Variants in RASSF6 observed in about 807,000 individuals in gnomAD.
RASSF6 encodes the protein Ras association domain family member 6.
A neutral mutation model predicts 44.0 loss-of-function variants in RASSF6; 52 were observed. The ratio of observed to expected loss-of-function variants is 1.18; its 90% confidence interval spans 0.95 to 1.49. RASSF6 has a LOEUF of 1.49. RASSF6 is among the 40% of genes most tolerant of loss of function. The pLI, the probability that RASSF6 is intolerant of heterozygous loss-of-function variation, is 0.00. For missense variants in RASSF6, 464 were observed against 393.3 expected (o/e 1.18, Z -1.52); for synonymous variants, 162 against 124.6 (o/e 1.30, Z -2.00).
chr4:73,614,277 C>T (rs1468485000), intron 1 of RASSF6, among the ~76,000 whole-genome samples: 1 of 152,216 alleles, frequency 6.6e-6, no homozygotes, highest in African/African-American at 2.4e-5. Context: ...GGGCCTCCCT[C>T]TGTTGTGGTC....
At position 73,598,648 on chromosome 4, in the gene RASSF6, A is replaced by T; in HGVS notation, c.136T>A (p.Tyr46Asn). The change falls in exon 3 of 11, where the codon TAT (tyrosine) becomes AAT (asparagine). Residue 46 changes from tyrosine to asparagine, a missense_variant. Transcript: ENST00000307439. Reference sequence around the variant, plus strand: ...TTCTTCAGTGGGCTTACCTCTCCATATAAAATATGCAGATTTTTCTGGTTC... The same window carrying T: ...TTCTTCAGTGGGCTTACCTCTCCATTTAAAATATGCAGATTTTTCTGGTTC... ...YENQKNLHIL[Y>N]GETEDGKLIV... 1 of 1,527,212 alleles carries T rather than the reference A, an allele frequency of 6.5e-7. No homozygotes were observed. Among genetic ancestry groups the T allele is most frequent in the South Asian group, 1.2e-5 (1 of 84,144 alleles). The allele number at this position is 1,527,212 out of a possible 1,614,324, so 94.6% of individuals were successfully genotyped here. A position where few individuals can be genotyped will look rare whatever the true frequency, so the allele number is the denominator to read the frequency against.
At chr4:73,594,842 C>G (rs957816256) in intron 3 of RASSF6, among the ~76,000 whole-genome samples, 1 of 152,110 alleles carries the variant, frequency 6.6e-6, no homozygotes, top group Non-Finnish European at 1.5e-5. Context: ...GCCTTTGTAT[C>G]AAAAACTTAT....
rs143969358 is a variant in RASSF6, at chr4:73,587,909, C to T, written c.313G>A (p.Asp105Asn). The T allele has an allele frequency of 1.3e-5, 21 of 1,609,124 alleles. No homozygotes were observed. Among genetic ancestry groups the T allele is most frequent in the South Asian group, 4.4e-5 (4 of 90,734 alleles). Residue 105 changes from aspartate (D) to asparagine (N), a missense_variant, in exon 5 of 11, where the codon GAT becomes AAT. Physicochemically the swap from Asp to Asn is conservative, Grantham distance 23. Transcript: ENST00000307439. Reference sequence around the variant, plus strand: ...TCCAGCTCACTAATACGATAGAGATCGTCAAATTCCCCCCAGCGTGTCATT... The same window carrying T: ...TCCAGCTCACTAATACGATAGAGATTGTCAAATTCCCCCCAGCGTGTCATT... Reference protein sequence around the residue: ...KGMTRWGEFDDLYRISELDRT... With the variant: ...KGMTRWGEFDNLYRISELDRT...
intron 8 of RASSF6, among the ~76,000 whole-genome samples, chr4:73,577,757 G>GAA (rs1723331756): frequency 3.3e-5 from 5 of 152,116 alleles, no homozygotes; most frequent in Non-Finnish European, 1.5e-5. Flanking sequence ...ACTTGGCTTA[G>GAA]CATCCTCTTG....
intron 3 of RASSF6, among the ~76,000 whole-genome samples, chr4:73,595,004 A>G (rs1269651618): frequency 1.3e-5 from 2 of 152,186 alleles, no homozygotes; most frequent in African/African-American, 4.8e-5. Flanking sequence ...CCAAAGATGA[A>G]TAAAGCCACA....
chr4:73,584,756 C>T (rs962409818), intron 6 of RASSF6, among the ~76,000 whole-genome samples: 2 of 152,052 alleles, frequency 1.3e-5, no homozygotes, highest in South Asian at 2.1e-4. Context: ...GCTGAGACAT[C>T]GGCTGCCTCA....
Position 73,576,645 on chromosome 4 carries a change from T to C in RASSF6, c.808A>G (p.Met270Val). ...CTAATTTCTTCTGCATCTTTATCCA[T>C]GAGGAAAATGCGAGCATTCTTTTCA... ...PSEKNARIFL[M>V]DKDAEEISSD... Residue 270 changes from methionine to valine, a missense_variant, in exon 9 of 11, where the codon ATG becomes GTG. Physicochemically the swap from Met to Val is conservative, Grantham distance 21. Transcript: ENST00000307439. The C allele has an allele frequency of 6.2e-7, 1 of 1,613,532 alleles. No individual in the cohort carries two copies. The highest frequency in any genetic ancestry group is 8.5e-7 in the Non-Finnish European group (1 of 1,179,560).
At chr4:73,593,143 G>A (rs1724686537) in intron 4 of RASSF6, among the ~76,000 whole-genome samples, 1 of 151,814 alleles carries the variant, frequency 6.6e-6, no homozygotes, top group Non-Finnish European at 1.5e-5. Flanking sequence ...AGCCTCCCGA[G>A]TAGCTGGGAT....
chr4:73,576,389 A>G (rs977155036), intron 10 of RASSF6, 21 bp downstream of exon 10: 1 of 1,483,212 alleles, frequency 6.7e-7, no homozygotes, highest in Non-Finnish European at 9.3e-7. Context: ...GGAGTATCCA[A>G]TGTGCATGCT....
intron 2 of RASSF6, among the ~76,000 whole-genome samples, chr4:73,602,139 A>C (rs1247020945): frequency 1.3e-5 from 2 of 152,252 alleles, no homozygotes; most frequent in Non-Finnish European, 2.9e-5. Context: ...TGCAACATGT[A>C]AAATGGGGAA....
chr4:73,584,973 T>C (rs1004332944), intron 6 of RASSF6, among the ~76,000 whole-genome samples: 2 of 152,132 alleles, frequency 1.3e-5, no homozygotes, highest in African/African-American at 4.8e-5. Flanking sequence ...TTTCATAGGA[T>C]TGTTTTAGTG....
chr4:73,586,551 T>C (rs1724111375), intron 5 of RASSF6, among the ~76,000 whole-genome samples: 1 of 151,950 alleles, frequency 6.6e-6, no homozygotes, highest in African/African-American at 2.4e-5. Context: ...TCCTCTCCTA[T>C]GCATATTCAT....
At chr4:73,579,024 T>A (rs1239844180) in intron 8 of RASSF6, among the ~76,000 whole-genome samples, 1 of 152,164 alleles carries the variant, frequency 6.6e-6, no homozygotes, top group Admixed American at 6.5e-5. Context: ...AGACCATATA[T>A]ACCACATACT....
At chr4:73,583,631 T>C (rs1400854242) in intron 6 of RASSF6, among the ~76,000 whole-genome samples, 1 of 152,192 alleles carries the variant, frequency 6.6e-6, no homozygotes, top group African/African-American at 2.4e-5. Flanking sequence ...TGCTTTGTTT[T>C]TTCTTTTTTG....
intron 8 of RASSF6, 122 bp from the exon 9 acceptor site, chr4:73,576,853 G>A: frequency 1.5e-6 from 1 of 647,854 alleles, no homozygotes; most frequent in Non-Finnish European, 2.7e-6. Context: ...CCTGCAACAG[G>A]AGGCAATTAC....
intron 1 of RASSF6, among the ~76,000 whole-genome samples, chr4:73,615,043 G>A (rs1286692747): frequency 6.6e-6 from 1 of 151,922 alleles, no homozygotes; most frequent in East Asian, 1.9e-4. Context: ...GCCGGGTGTG[G>A]TGGAACACAC....
At chr4:73,580,422 G>A (rs879481730) in intron 8 of RASSF6, among the ~76,000 whole-genome samples, 2 of 150,036 alleles carry the variant, frequency 1.3e-5, no homozygotes, top group Non-Finnish European at 3.0e-5. Flanking sequence ...GGTATTTCTA[G>A]TTCTAGATCC....
At chr4:73,588,824 C>T (rs1724308691) in intron 4 of RASSF6, among the ~76,000 whole-genome samples, 1 of 152,010 alleles carries the variant, frequency 6.6e-6, no homozygotes, top group Admixed American at 6.6e-5. Flanking sequence ...TCATCACCAG[C>T]ATCTGTATCT....
intron 2 of RASSF6, among the ~76,000 whole-genome samples, chr4:73,599,449 G>A (rs562802100): frequency 6.6e-6 from 1 of 152,346 alleles, no homozygotes; most frequent in African/African-American, 2.4e-5. Flanking sequence ...TCTGAGACCA[G>A]ATGTGCTGGT....
Sources: allele counts gnomAD v4.1 joint callset (sites outside exome capture counted in the v4.1 genomes callset), GRCh38; gene constraint gnomAD v4.1.1; transcripts MANE v1.5; gene names NCBI Gene and HGNC (gene_info 2026-07-23, HGNC 2026-07-21).